Variants in PTPRG observed in about 807,000 individuals in gnomAD.
The protein encoded by PTPRG is protein tyrosine phosphatase receptor type G, also known as receptor-type tyrosine-protein phosphatase gamma.
Under a neutral mutation model 165.3 loss-of-function variants are expected in PTPRG, and 102 were observed. That is an observed-to-expected ratio of 0.62 (90% CI 0.53 to 0.73). PTPRG has a LOEUF of 0.73. PTPRG is among the 30% of genes least tolerant of loss of function. The probability of loss-of-function intolerance (pLI) is 0.00; values close to 1 mark genes in which losing one functional copy is unlikely to be tolerated. For synonymous variants in PTPRG, 675 were observed against 669.5 expected, an observed-to-expected ratio of 1.01 and a Z score of -0.13; for missense variants, 1,866 against 1,861.4, an observed-to-expected ratio of 1.00 and a Z score of -0.05.
chr3:61,801,100 C>T (rs1047678822), intron 2 of PTPRG, among the ~76,000 whole-genome samples: 6 of 152,166 alleles, frequency 3.9e-5, no homozygotes, highest in African/African-American at 1.4e-4. Context: ...AAAAGTGTGT[C>T]ACCAGCTGCT....
chr3:61,992,214 A>G (rs1334917222), intron 3 of PTPRG, among the ~76,000 whole-genome samples: 3 of 151,912 alleles, frequency 2.0e-5, no homozygotes, highest in Non-Finnish European at 4.4e-5. Flanking sequence ...ACAACCAGTT[A>G]TATGCAATTT....
intron 2 of PTPRG, among the ~76,000 whole-genome samples, chr3:61,845,345 ATAACT>A (rs2036776828): frequency 6.6e-6 from 1 of 152,228 alleles, no homozygotes; most frequent in Admixed American, 6.5e-5. Flanking sequence ...ATGAGGACAA[ATAACT>A]TAACAGTGAG....
At chr3:61,993,438 C>T (rs373556053) in intron 3 of PTPRG, among the ~76,000 whole-genome samples, 3 of 151,880 alleles carry the variant, frequency 2.0e-5, no homozygotes, top group Non-Finnish European at 4.4e-5. Flanking sequence ...AGGCTGGTCT[C>T]GAACTCCCAA....
intron 1 of PTPRG, among the ~76,000 whole-genome samples, chr3:61,579,252 C>T (rs1700230507): frequency 6.6e-6 from 1 of 152,158 alleles, no homozygotes; most frequent in Admixed American, 6.5e-5. Flanking sequence ...CTGTGATCAC[C>T]TGCATCTGCC....
chr3:61,593,007 T>TA (rs1700610917), intron 1 of PTPRG, among the ~76,000 whole-genome samples: 1 of 152,192 alleles, frequency 6.6e-6, no homozygotes, highest in Non-Finnish European at 1.5e-5. Flanking sequence ...TTCTATGTCT[T>TA]ACTACTCAGG....
intron 4 of PTPRG, among the ~76,000 whole-genome samples, chr3:62,065,991 A>G (rs542795061): frequency 6.6e-6 from 1 of 152,144 alleles, no homozygotes; most frequent in Non-Finnish European, 1.5e-5. Context: ...CCTTTTTCTT[A>G]TGGAGAACCA....
intron 4 of PTPRG, among the ~76,000 whole-genome samples, chr3:62,023,660 A>T (rs150462709): frequency 1.3e-5 from 2 of 152,168 alleles, no homozygotes; most frequent in Non-Finnish European, 2.9e-5. Flanking sequence ...TTCATCCAAC[A>T]TCTGCCTTTA....
chr3:61,744,559 A>G (rs2033124485), intron 1 of PTPRG, among the ~76,000 whole-genome samples: 1 of 152,232 alleles, frequency 6.6e-6, no homozygotes. Flanking sequence ...ATACTTTATT[A>G]TAATCTCATG....
At position 62,026,040 on chromosome 3, in the gene PTPRG, G is replaced by A. The variant is rs141243088; in HGVS notation, c.519+22543G>A. Among the ~76,000 whole-genome samples, 108 of 152,318 alleles carry A rather than the reference G, an allele frequency of 7.1e-4. 6 individuals carry two copies. In the East Asian group the frequency reaches 0.013, roughly 18 times the overall value. ...AAGAGAAAAATGATTTTGCGACCTA[G>A]GCATTAAAGTATGCAGTGCCATCTG... On this transcript the variant is annotated intron_variant, in intron 4 of 29. Transcript: ENST00000474889.
At chr3:61,762,462 G>T (rs957300624) in intron 2 of PTPRG, among the ~76,000 whole-genome samples, 2 of 151,906 alleles carry the variant, frequency 1.3e-5, no homozygotes, top group African/African-American at 4.8e-5. Flanking sequence ...AATACAAAAA[G>T]TAGCCGGGTG....
At chr3:61,913,251 G>A (rs1194449360) in intron 2 of PTPRG, among the ~76,000 whole-genome samples, 2 of 152,130 alleles carry the variant, frequency 1.3e-5, no homozygotes, top group African/African-American at 4.8e-5. Context: ...ACGGAGTCTC[G>A]CTCTATCACC....
At position 61,624,178 on chromosome 3, in the gene PTPRG, T is replaced by G. The variant is rs1453836666; in HGVS notation, c.85+61806T>G. Among the ~76,000 whole-genome samples, 3 of 152,270 alleles carry G rather than the reference T, an allele frequency of 2.0e-5. No homozygotes were observed. The East Asian group carries it at 5.8e-4, about 29-fold the overall frequency. Reference sequence around the variant, plus strand: ...TGGGTTGGGGATTAAGATAATCCTGTGAATTTAAATCCCGACTCTACCACT... The same window carrying G: ...TGGGTTGGGGATTAAGATAATCCTGGGAATTTAAATCCCGACTCTACCACT... On this transcript the variant is annotated intron_variant, in intron 1 of 29. Transcript: ENST00000474889.
chr3:61,989,527 G>T, intron 2 of PTPRG, 98 bp from the exon 3 acceptor site: 1 of 1,129,624 alleles, frequency 8.9e-7, no homozygotes, highest in Non-Finnish European at 1.3e-6. Context: ...TTGGATTGGG[G>T]ACATGTTGAG....
chr3:61,864,022 C>T (rs1205654437), intron 2 of PTPRG, among the ~76,000 whole-genome samples: 1 of 152,182 alleles, frequency 6.6e-6, no homozygotes, highest in African/African-American at 2.4e-5. Context: ...TGGATCTTAT[C>T]CTCTCCTAAG....
At chr3:61,602,303 A>T (rs6445226) in intron 1 of PTPRG, among the ~76,000 whole-genome samples, 31,113 of 151,968 alleles carry the variant, frequency 0.2, 3,230 homozygotes, top group East Asian at 0.24. Flanking sequence ...ACAAGAAGGA[A>T]AAAATATGCC....
At position 62,233,640 on chromosome 3, in the gene PTPRG, A is replaced by G. The variant is rs569563837; in HGVS notation, c.2375+2329A>G. Among the ~76,000 whole-genome samples the G allele has an allele frequency of 2.6e-5, 4 of 152,336 alleles. No individual in the cohort carries two copies. The East Asian group carries it at 7.7e-4, about 29-fold the overall frequency. ...AATTGCAACCCTCCAAACAGCTACA[A>G]GAGCTGTTACAGAATCCCTACACAT... On this transcript the variant is annotated intron_variant, in intron 14 of 29. Transcript: ENST00000474889. The surrounding 1 kb of genome is among the most constrained non-coding windows in gnomAD (Gnocchi z 4.7).
chr3:61,646,805 C>T (rs1559538627), intron 1 of PTPRG, among the ~76,000 whole-genome samples: 1 of 152,210 alleles, frequency 6.6e-6, no homozygotes, highest in Admixed American at 6.5e-5. Context: ...GCCACCCCCA[C>T]ATCCCTAACC....
chr3:61,652,727 C>A (rs759187713), intron 1 of PTPRG, among the ~76,000 whole-genome samples: 14 of 152,232 alleles, frequency 9.2e-5, no homozygotes, highest in Admixed American at 4.6e-4. Context: ...GTTGCTGGAG[C>A]TCTTCTGTGC....
chr3:62,076,878 A>C (rs746561904), intron 4 of PTPRG, among the ~76,000 whole-genome samples: 1 of 152,122 alleles, frequency 6.6e-6, no homozygotes, highest in Admixed American at 6.6e-5. Flanking sequence ...ACTGCATCCA[A>C]CTGTTCTCTG....
Sources: allele counts gnomAD v4.1 joint callset (sites outside exome capture counted in the v4.1 genomes callset), GRCh38; gene constraint gnomAD v4.1.1; non-coding constraint Gnocchi (gnomAD v3.1); transcripts MANE v1.5; gene names NCBI Gene and HGNC (gene_info 2026-07-23, HGNC 2026-07-21).